Variants in TANGO6 observed in about 807,000 individuals in gnomAD.
TANGO6 encodes transport and Golgi organization protein 6 homolog.
In TANGO6, 90 loss-of-function variants were observed where a neutral mutation model predicts 114.2. The observed-to-expected ratio is 0.79, with a 90% CI of 0.66 to 0.94. The LOEUF (loss-of-function observed/expected upper bound fraction) is 0.94. TANGO6 is among the 40% of genes least tolerant of loss of function. The pLI, the probability that TANGO6 is intolerant of heterozygous loss-of-function variation, is 0.00. For synonymous variants in TANGO6, 477 were observed against 509.8 expected, an observed-to-expected ratio of 0.94 and a Z score of 0.87; for missense variants, 1,274 against 1,315.3, an observed-to-expected ratio of 0.97 and a Z score of 0.49.
chr16:69,028,052 C>T (rs573255845), intron 16 of TANGO6, among the ~76,000 whole-genome samples: 5 of 152,146 alleles, frequency 3.3e-5, no homozygotes, highest in East Asian at 2.0e-4. Context: ...CTCCACCTGC[C>T]GGGTTCAAGT....
intron 1 of TANGO6, among the ~76,000 whole-genome samples, chr16:68,853,655 G>A (rs1017020429): frequency 6.6e-6 from 1 of 152,148 alleles, no homozygotes; most frequent in Non-Finnish European, 1.5e-5. Context: ...TCTTGGACAA[G>A]TATGTTAGAG....
rs916579566 is a variant in TANGO6 at position 68,899,687 on chromosome 16, A to G, written c.1378-747A>G. 2.6e-5 allele frequency among the ~76,000 whole-genome samples: 4 copies of G among 152,070 alleles called. No individual in the cohort carries two copies. The East Asian group carries it at 5.8e-4, about 22-fold the overall frequency. ...TGATCATAGCTTATTGCAGCTTTGAATTCCTGGGCTCAAGCGATCCTCCTG... is the reference window on the plus strand; with the variant it reads ...TGATCATAGCTTATTGCAGCTTTGAGTTCCTGGGCTCAAGCGATCCTCCTG... On this transcript the variant is annotated intron_variant, in intron 7 of 17. Transcript: ENST00000261778.
intron 14 of TANGO6, among the ~76,000 whole-genome samples, chr16:68,958,698 G>T (rs1163276795): frequency 2.6e-5 from 4 of 152,150 alleles, no homozygotes; most frequent in African/African-American, 9.7e-5. Context: ...GTGGGAGACT[G>T]AGATGGGGGA....
intron 1 of TANGO6, among the ~76,000 whole-genome samples, chr16:68,850,433 A>G (rs1393589996): frequency 6.6e-6 from 1 of 152,214 alleles, no homozygotes; most frequent in Non-Finnish European, 1.5e-5. Context: ...GTGTAATCAC[A>G]CAATACATAC....
At chr16:69,048,339 C>T (rs548018386) in intron 17 of TANGO6, among the ~76,000 whole-genome samples, 1 of 145,206 alleles carries the variant, frequency 6.9e-6, no homozygotes, top group Admixed American at 7.1e-5. Flanking sequence ...TGACCTCAAG[C>T]AATTTGCCCA....
Position 68,851,996 on chromosome 16 carries a change from T to C in TANGO6, c.95-7888T>C, listed in dbSNP as rs1961909583. Among the ~76,000 whole-genome samples the C allele has an allele frequency of 2.0e-5, 3 of 152,388 alleles. No homozygotes were observed. The South Asian group carries it at 6.2e-4, about 32-fold the overall frequency. On this transcript the variant is annotated intron_variant, in intron 1 of 17. Transcript: ENST00000261778. Reference sequence around the variant, plus strand: ...CTGTCTGTATCTTTTGCTCATGTAATGTTTTATACTCTTTGTTCACATTCG... The same window carrying C: ...CTGTCTGTATCTTTTGCTCATGTAACGTTTTATACTCTTTGTTCACATTCG...
chr16:68,959,020 G>A (rs953651933), intron 14 of TANGO6, among the ~76,000 whole-genome samples: 1 of 152,212 alleles, frequency 6.6e-6, no homozygotes, highest in African/African-American at 2.4e-5. Context: ...GTTAACCCCT[G>A]TGTAGAACCC....
At chr16:68,884,317 G>A (rs1473615870) in intron 7 of TANGO6, among the ~76,000 whole-genome samples, 2 of 152,156 alleles carry the variant, frequency 1.3e-5, no homozygotes, top group Non-Finnish European at 2.9e-5. Context: ...CACAAATATG[G>A]AATCAGATTG....
chr16:69,074,326 A>G (rs1357350319), intron 17 of TANGO6, among the ~76,000 whole-genome samples: 1 of 151,888 alleles, frequency 6.6e-6, no homozygotes, highest in Non-Finnish European at 1.5e-5. Flanking sequence ...CAGACCCCAA[A>G]AGAGGCTTCT....
At chr16:69,070,477 A>G (rs1021849707) in intron 17 of TANGO6, among the ~76,000 whole-genome samples, 5 of 151,790 alleles carry the variant, frequency 3.3e-5, no homozygotes, top group Non-Finnish European at 5.9e-5. Flanking sequence ...TAATAAAAAT[A>G]CAAAAATTAG....
intron 15 of TANGO6, among the ~76,000 whole-genome samples, chr16:68,992,002 T>G (rs1238154131): frequency 1.3e-5 from 2 of 152,096 alleles, no homozygotes; most frequent in Non-Finnish European, 2.9e-5. Context: ...CATCATCCTT[T>G]TTTTTTTAAA....
intron 11 of TANGO6, 172 bp downstream of exon 11, chr16:68,909,574 T>A: frequency 2.0e-6 from 1 of 505,980 alleles, no homozygotes; most frequent in Non-Finnish European, 3.1e-6. Context: ...ATCCAAAACG[T>A]TCCAGTGTCC....
intron 17 of TANGO6, among the ~76,000 whole-genome samples, chr16:69,063,578 C>T (rs1206901887): frequency 7.8e-6 from 1 of 127,678 alleles, no homozygotes; most frequent in East Asian, 2.5e-4. Context: ...CCCAGCTACT[C>T]GAGAAGCTGA....
At position 68,928,022 on chromosome 16, in the gene TANGO6, T is replaced by A. The variant is rs748027335; in HGVS notation, c.2582T>A (p.Leu861His). Residue 861 changes from leucine to histidine, a missense_variant, in exon 13 of 18, where the codon CTT (leucine) becomes CAT (histidine). Physicochemically the swap from Leu to His is moderately conservative, Grantham distance 99. Coordinates refer to ENST00000261778, the MANE Select transcript of TANGO6 (RefSeq NM_024562.2). ...ACACGGGCTGCTGCCCTGCGTACTC[T>A]TTCCCACTGGATAGAGCAGAGAGAA... The part of the protein sequence containing the change: ...IPTRAAALRT[L>H]SHWIEQREAK... 1.2e-6 allele frequency: 2 copies of A among 1,607,614 alleles called. No individual in the cohort carries two copies. Among genetic ancestry groups the A allele is most frequent in the East Asian group, 4.5e-5 (2 of 44,792 alleles).
intron 17 of TANGO6, among the ~76,000 whole-genome samples, chr16:69,058,636 T>C (rs1418933234): frequency 2.6e-5 from 4 of 152,180 alleles, no homozygotes; most frequent in Non-Finnish European, 5.9e-5. Flanking sequence ...CAAACCTGGG[T>C]TCCTGAGACT....
At chr16:68,896,979 C>T (rs2152179397) in intron 7 of TANGO6, among the ~76,000 whole-genome samples, 1 of 152,246 alleles carries the variant, frequency 6.6e-6, no homozygotes, top group African/African-American at 2.4e-5. Flanking sequence ...TCTCGGCTCA[C>T]TGCAACCTCC....
At chr16:68,906,330 A>AGT (rs1469584302) in intron 9 of TANGO6, among the ~76,000 whole-genome samples, 4 of 152,118 alleles carry the variant, frequency 2.6e-5, no homozygotes, top group Non-Finnish European at 5.9e-5. Context: ...GGTTCCTTTC[A>AGT]GTTGAGACTG....
At chr16:68,924,634 A>T (rs1040770902) in intron 12 of TANGO6, among the ~76,000 whole-genome samples, 5 of 151,678 alleles carry the variant, frequency 3.3e-5, no homozygotes, top group African/African-American at 1.2e-4. Flanking sequence ...CTAAAAATAT[A>T]AAAAAATTAG....
At chr16:69,029,372 A>T (rs1237452126) in intron 16 of TANGO6, among the ~76,000 whole-genome samples, 2 of 152,188 alleles carry the variant, frequency 1.3e-5, no homozygotes, top group African/African-American at 4.8e-5. Flanking sequence ...TGCAATCAAG[A>T]TTGTTACAAG....
Sources: allele counts gnomAD v4.1 joint callset (sites outside exome capture counted in the v4.1 genomes callset), GRCh38; gene constraint gnomAD v4.1.1; transcripts MANE v1.5; gene names NCBI Gene and HGNC (gene_info 2026-07-23, HGNC 2026-07-21).